GRIK1: variants seen among roughly 807,000 people sequenced by gnomAD.
The protein encoded by GRIK1 is glutamate receptor ionotropic, kainate 1.
A neutral mutation model predicts 105.7 loss-of-function variants in GRIK1; 69 were observed. The ratio of observed to expected loss-of-function variants is 0.65; its 90% CI spans 0.54 to 0.80. The LOEUF is 0.80. GRIK1 is among the 30% of genes least tolerant of loss of function. The probability of loss-of-function intolerance (pLI) is 0.00; values close to 1 mark genes in which losing one functional copy is unlikely to be tolerated. For missense variants in GRIK1, 1,109 were observed against 1,167.3 expected, an observed-to-expected ratio of 0.95 and a Z score of 0.73; for synonymous variants, 438 against 431.3, an observed-to-expected ratio of 1.02 and a Z score of -0.19.
chr21:29,598,982 A>G (rs2061468643), intron 7 of GRIK1, 45 bp from the exon 8 acceptor site: 1 of 859,012 alleles, frequency 1.2e-6, no homozygotes, highest in African/African-American at 1.7e-5. Context: ...AACATTTATC[A>G]TAATTCCTGA....
intron 3 of GRIK1, among the ~76,000 whole-genome samples, chr21:29,673,516 G>A (rs363552): frequency 1.9e-4 from 29 of 152,098 alleles, no homozygotes; most frequent in Non-Finnish European, 3.1e-4. Flanking sequence ...AAAAGTGTTC[G>A]ATGAAATAGA....
intron 1 of GRIK1, chr21:29,761,307 T>C (rs75535887): frequency 3.3e-5 from 5 of 152,238 alleles, no homozygotes; most frequent in South Asian, 2.1e-4. Flanking sequence ...CTCGAACTCA[T>C]GAACGCATTC....
rs542102826 is a variant in GRIK1 at position 29,651,679 on chromosome 21, C to T, written c.781-388G>A. Among the ~76,000 whole-genome samples, 25 of 151,950 alleles carry T rather than the reference C, an allele frequency of 1.6e-4. 1 individual carries two copies. Among genetic ancestry groups the T allele is most frequent in the African/African-American group, 5.6e-4 (23 of 41,432 alleles). ...GTATGGAAGTGCTTTGTTAAGTCACCCTTATACTTCATAATGGTTCCAGTC... is the reference window on the plus strand; with the variant it reads ...GTATGGAAGTGCTTTGTTAAGTCACTCTTATACTTCATAATGGTTCCAGTC... On this transcript the variant is annotated intron_variant, in intron 5 of 17. Transcript: ENST00000327783.
chr21:29,545,520 C>T (rs1344257230), intron 16 of GRIK1, among the ~76,000 whole-genome samples: 1 of 152,208 alleles, frequency 6.6e-6, no homozygotes, highest in Non-Finnish European at 1.5e-5. Context: ...TGAATTAGGG[C>T]CATAAAATAA....
At chr21:29,767,278 T>C (rs1046083501) in intron 1 of GRIK1, among the ~76,000 whole-genome samples, 1 of 152,250 alleles carries the variant, frequency 6.6e-6, no homozygotes, top group African/African-American at 2.4e-5. Flanking sequence ...TCTGGATATT[T>C]CCAGGATGTG....
At chr21:29,739,217 T>G (rs1164745066) in intron 1 of GRIK1, among the ~76,000 whole-genome samples, 1 of 152,110 alleles carries the variant, frequency 6.6e-6, no homozygotes, top group Admixed American at 6.5e-5. Flanking sequence ...CTATTTTAGA[T>G]AGGATGGTCC....
chr21:29,580,576 A>G (rs944205148), intron 13 of GRIK1, among the ~76,000 whole-genome samples: 5 of 152,162 alleles, frequency 3.3e-5, no homozygotes, highest in Admixed American at 1.3e-4. Flanking sequence ...GTTCACCCCC[A>G]AGTAGCAAAC....
intron 7 of GRIK1, among the ~76,000 whole-genome samples, chr21:29,613,475 A>C (rs2061773667): frequency 6.6e-6 from 1 of 152,216 alleles, no homozygotes; most frequent in Admixed American, 6.5e-5. Flanking sequence ...TGTCAGCTCC[A>C]TAGATCTTTG....
intron 14 of GRIK1, among the ~76,000 whole-genome samples, chr21:29,569,067 C>T (rs1028904871): frequency 1.3e-5 from 2 of 152,190 alleles, no homozygotes; most frequent in African/African-American, 4.8e-5. Context: ...GGCCAGGCCT[C>T]CAAAAATCTT....
At chr21:29,553,560 C>G (rs751501545) in intron 16 of GRIK1, 2 of 1,561,960 alleles carry the variant, frequency 1.3e-6, no homozygotes. Flanking sequence ...ACTGATTACA[C>G]AGTATGAACT....
chr21:29,560,298 T>TCTTTC (rs2090366609), intron 15 of GRIK1, among the ~76,000 whole-genome samples: 10 of 99,652 alleles, frequency 1.0e-4, no homozygotes, highest in African/African-American at 4.5e-4. Context: ...TTTCTTTCTT[T>TCTTTC]CTTTCTTTCT....
chr21:29,709,763 T>C (rs1286926918), intron 1 of GRIK1, among the ~76,000 whole-genome samples: 1 of 152,014 alleles, frequency 6.6e-6, no homozygotes, highest in Non-Finnish European at 1.5e-5. Flanking sequence ...TTTTATAATT[T>C]TTTTTGTTAT....
At chr21:29,830,344 C>A (rs2067595207) in intron 1 of GRIK1, among the ~76,000 whole-genome samples, 1 of 144,970 alleles carries the variant, frequency 6.9e-6, no homozygotes, top group African/African-American at 2.4e-5. Flanking sequence ...CACACACACA[C>A]ACACACACAC....
At chr21:29,744,279 A>T (rs932497898) in intron 1 of GRIK1, among the ~76,000 whole-genome samples, 1 of 152,202 alleles carries the variant, frequency 6.6e-6, no homozygotes, top group Admixed American at 6.5e-5. Flanking sequence ...AAACTTTTTC[A>T]TCTAGAGATG....
chr21:29,569,779 A>G (rs753609847), intron 14 of GRIK1, among the ~76,000 whole-genome samples: 3 of 152,210 alleles, frequency 2.0e-5, no homozygotes, highest in Non-Finnish European at 2.9e-5. Flanking sequence ...ATTGTTTCAT[A>G]AGGTAATTAA....
chr21:29,672,657 G>A (rs2063180974), intron 4 of GRIK1, among the ~76,000 whole-genome samples: 2 of 151,970 alleles, frequency 1.3e-5, no homozygotes, highest in African/African-American at 4.8e-5. Flanking sequence ...CTTTTCAAGA[G>A]ACATAAGAGA....
At chr21:29,614,934 T>C (rs1207251845) in intron 7 of GRIK1, among the ~76,000 whole-genome samples, 1 of 151,558 alleles carries the variant, frequency 6.6e-6, no homozygotes, top group African/African-American at 2.4e-5. Flanking sequence ...CCTTACTTGA[T>C]AGAAAGCGAG....
intron 1 of GRIK1, among the ~76,000 whole-genome samples, chr21:29,725,399 A>G (rs1018551468): frequency 3.9e-5 from 6 of 152,316 alleles, no homozygotes; most frequent in Non-Finnish European, 8.8e-5. Context: ...TAAAATCACT[A>G]GGATGATCTT....
intron 4 of GRIK1, among the ~76,000 whole-genome samples, chr21:29,660,662 T>A (rs921767423): frequency 6.6e-6 from 1 of 152,246 alleles, no homozygotes; most frequent in Admixed American, 6.5e-5. Flanking sequence ...GTAATATTTA[T>A]ATGGTTTTTT....
Sources: allele counts gnomAD v4.1 joint callset (sites outside exome capture counted in the v4.1 genomes callset), GRCh38; gene constraint gnomAD v4.1.1; transcripts MANE v1.5; gene names NCBI Gene and HGNC (gene_info 2026-07-23, HGNC 2026-07-21).